JAZF1: variants seen among roughly 807,000 people sequenced by gnomAD.
JAZF1 encodes the protein JAZF zinc finger 1.
Under a neutral mutation model 26.4 loss-of-function variants are expected in JAZF1, and 8 were observed. The ratio of observed to expected loss-of-function variants is 0.30; its 90% CI spans 0.18 to 0.55. The LOEUF is 0.55. Ranked by LOEUF, JAZF1 falls within the 20% of genes least tolerant of loss-of-function variation. The probability of loss-of-function intolerance (pLI) is 0.94; values close to 1 mark genes in which losing one functional copy is unlikely to be tolerated. For missense variants in JAZF1, 199 were observed against 322.0 expected (o/e 0.62, Z 2.92); for synonymous variants, 126 against 122.3 (o/e 1.03, Z -0.20).
chr7:28,164,682 C>A (rs1468461877), intron 1 of JAZF1, among the ~76,000 whole-genome samples: 1 of 152,172 alleles, frequency 6.6e-6, no homozygotes, highest in Non-Finnish European at 1.5e-5. Flanking sequence ...TCTATACAAT[C>A]TCCCTCAGTA....
chr7:28,105,703 T>C (rs1784540765), intron 1 of JAZF1, among the ~76,000 whole-genome samples: 1 of 152,224 alleles, frequency 6.6e-6, no homozygotes, highest in Non-Finnish European at 1.5e-5. Flanking sequence ...GTCAGCAACA[T>C]ACCAAGCTTG....
At chr7:27,886,849 C>A (rs1783875217) in intron 3 of JAZF1, among the ~76,000 whole-genome samples, 1 of 152,168 alleles carries the variant, frequency 6.6e-6, no homozygotes, top group Admixed American at 6.5e-5. Context: ...TGGAATCAAC[C>A]CAGATGCCCA....
In JAZF1 at chr7:27,964,676, G is replaced by A. The variant is rs561264743; in HGVS notation, c.188+27233C>T. On this transcript the variant is annotated intron_variant, in intron 2 of 4. Coordinates refer to ENST00000283928, the MANE Select transcript of JAZF1 (RefSeq NM_175061.4). ...TAAAATGGCTGACACAGTATATTACGTTTTTAAAAAGAAGTCAAGCAGAAG... is the reference window on the plus strand; with the variant it reads ...TAAAATGGCTGACACAGTATATTACATTTTTAAAAAGAAGTCAAGCAGAAG... 9.3e-4 allele frequency among the ~76,000 whole-genome samples: 140 copies of A among 150,390 alleles called. 1 individual carries two copies. The highest frequency in any genetic ancestry group is 3.2e-3 in the African/African-American group (129 of 40,866).
rs1182638919 is a variant in JAZF1 at position 28,049,072 on chromosome 7, C to CCTCTCTCTCTCTCT, written c.116-57105_116-57092dup. ...TCCCCTCCCCTCCCCTCCCTCCCTTCCTCTCTCTCTCTCTCTCTCTTTCTT... is the reference window on the plus strand; with the variant it reads ...TCCCCTCCCCTCCCCTCCCTCCCTTCCTCTCTCTCTCTCTCTCTCTCTCTCTCTCTCTCTTTCTT... On this transcript the variant is annotated intron_variant, in intron 1 of 4. Coordinates refer to ENST00000283928, the MANE Select transcript of JAZF1 (RefSeq NM_175061.4). 4.5e-3 allele frequency among the ~76,000 whole-genome samples: 508 copies of CCTCTCTCTCTCTCT among 113,550 alleles called. 5 individuals are homozygous for CCTCTCTCTCTCTCT. Among genetic ancestry groups the CCTCTCTCTCTCTCT allele is most frequent in the African/African-American group, 0.017 (453 of 26,208 alleles). 74.5% of individuals were successfully genotyped at this position (113,550 alleles called of 152,430 possible). A position where few individuals can be genotyped will look rare whatever the true frequency, so the allele number is the denominator to read the frequency against.
intron 1 of JAZF1, among the ~76,000 whole-genome samples, chr7:28,121,191 A>AAAAAAAG (rs1344461038): frequency 1.3e-5 from 2 of 151,344 alleles, no homozygotes; most frequent in Admixed American, 6.6e-5. Context: ...GTCTCGAAAA[A>AAAAAAAG]AAAAGAAAAA....
chr7:27,893,247 G>C (rs1186008522), intron 3 of JAZF1, among the ~76,000 whole-genome samples: 1 of 152,184 alleles, frequency 6.6e-6, no homozygotes, highest in African/African-American at 2.4e-5. Context: ...TCCCCAACTA[G>C]TATTTTGTGA....
intron 1 of JAZF1, among the ~76,000 whole-genome samples, chr7:28,007,511 G>GT (rs1782724853): frequency 6.6e-6 from 1 of 152,068 alleles, no homozygotes; most frequent in Non-Finnish European, 1.5e-5. Context: ...GGAGGTTGCA[G>GT]TGAGCCGAGA....
At chr7:27,906,268 GC>G (rs1784256843) in intron 2 of JAZF1, among the ~76,000 whole-genome samples, 2 of 152,110 alleles carry the variant, frequency 1.3e-5, no homozygotes, top group South Asian at 4.1e-4. Context: ...CCGTTCCCTG[GC>G]CCCACATGCC....
At chr7:27,900,434 T>C (rs1018368453) in intron 2 of JAZF1, among the ~76,000 whole-genome samples, 1 of 152,250 alleles carries the variant, frequency 6.6e-6, no homozygotes, top group Non-Finnish European at 1.5e-5. Flanking sequence ...TTTATAACTA[T>C]ATTCTGTATA....
intron 2 of JAZF1, among the ~76,000 whole-genome samples, chr7:27,924,197 C>T (rs1415024768): frequency 1.3e-5 from 2 of 152,172 alleles, no homozygotes; most frequent in African/African-American, 4.8e-5. Flanking sequence ...TCTGCTTCAG[C>T]CTCCCGAGCA....
chr7:28,170,732 T>A (rs1783449866), intron 1 of JAZF1, among the ~76,000 whole-genome samples: 1 of 152,202 alleles, frequency 6.6e-6, no homozygotes, highest in Non-Finnish European at 1.5e-5. Context: ...AGCCTTTCTG[T>A]ATTTATTTCT....
intron 2 of JAZF1, among the ~76,000 whole-genome samples, chr7:27,900,692 A>G (rs1375099390): frequency 2.6e-5 from 4 of 152,250 alleles, no homozygotes; most frequent in East Asian, 1.9e-4. Flanking sequence ...CGAAGAATGA[A>G]TAAGAAAGTC....
chr7:28,070,448 T>C (rs1273929070), intron 1 of JAZF1, among the ~76,000 whole-genome samples: 1 of 152,218 alleles, frequency 6.6e-6, no homozygotes, highest in Non-Finnish European at 1.5e-5. Context: ...TTTTGTGAAA[T>C]ATGAGCTTTG....
At chr7:27,886,684 A>G (rs1327938513) in intron 3 of JAZF1, among the ~76,000 whole-genome samples, 1 of 152,244 alleles carries the variant, frequency 6.6e-6, no homozygotes, top group East Asian at 1.9e-4. Context: ...TTCCACAAGC[A>G]TATGTTGCCT....
At chr7:28,161,151 C>T (rs1382233141) in intron 1 of JAZF1, among the ~76,000 whole-genome samples, 2 of 143,774 alleles carry the variant, frequency 1.4e-5, no homozygotes, top group Non-Finnish European at 3.0e-5. Context: ...GCTGTCGAAA[C>T]AATAATAATA....
At chr7:27,846,379 G>T in intron 3 of JAZF1, 1 of 263,044 alleles carries the variant, frequency 3.8e-6, no homozygotes. Flanking sequence ...ATACGTACAT[G>T]TACGTATATA....
At chr7:28,131,027 G>A (rs2127941799) in intron 1 of JAZF1, among the ~76,000 whole-genome samples, 1 of 152,216 alleles carries the variant, frequency 6.6e-6, no homozygotes, top group South Asian at 2.1e-4. Flanking sequence ...ATTGGGCATG[G>A]TCCCAAACTG....
intron 2 of JAZF1, among the ~76,000 whole-genome samples, chr7:27,922,168 G>C (rs1211186526): frequency 6.6e-6 from 1 of 152,216 alleles, no homozygotes; most frequent in African/African-American, 2.4e-5. Context: ...GTGCATTGAA[G>C]ACAAACAGAA....
At chr7:27,863,255 A>G (rs1212417673) in intron 3 of JAZF1, among the ~76,000 whole-genome samples, 3 of 152,044 alleles carry the variant, frequency 2.0e-5, no homozygotes, top group Non-Finnish European at 4.4e-5. Flanking sequence ...GTATGTCTCC[A>G]TGTCCATCTG....
Sources: gnomAD v4.1 joint callset for allele counts (sites outside exome capture counted in the v4.1 genomes callset) on GRCh38, gnomAD v4.1.1 for gene constraint, MANE v1.5 for transcripts, NCBI Gene and HGNC (gene_info 2026-07-23, HGNC 2026-07-21) for gene names.